PIGN: variants seen among roughly 807,000 people sequenced by gnomAD.
PIGN encodes the protein GPI ethanolamine phosphate transferase 1.
PIGN carries 117 observed loss-of-function variants against 125.4 expected under a neutral mutation model. That is an observed-to-expected ratio of 0.93 (90% CI 0.80 to 1.09). The LOEUF is 1.09. Among genes scored for constraint, PIGN ranks in the 50% least tolerant of loss-of-function variants. PIGN has a pLI of 0.00. For missense variants in PIGN, 1,075 were observed against 1,094.9 expected, an observed-to-expected ratio of 0.98 and a Z score of 0.26; for synonymous variants, 392 against 377.8, an observed-to-expected ratio of 1.04 and a Z score of -0.44.
At chr18:62,084,255 T>C (rs961048649) in intron 27 of PIGN, among the ~76,000 whole-genome samples, 2 of 152,220 alleles carry the variant, frequency 1.3e-5, no homozygotes, top group African/African-American at 4.8e-5. Context: ...AGCACTGCAG[T>C]TTGATCCATA....
At position 62,043,229 on chromosome 18, in the gene PIGN, G is replaced by C. The variant is rs1599380958; in HGVS notation, c.*2627C>G. On this transcript the variant is annotated 3_prime_UTR_variant, in exon 31 of 31. Coordinates refer to ENST00000640252, the MANE Select transcript of PIGN (RefSeq NM_176787.5). ...ATGATGGCATCTAGTGTGAATATGG[G>C]AGCTCACCAGGTTCTCCCAAGGACA... is the stretch of plus-strand genomic sequence containing the variant. 6.6e-6 allele frequency: 1 copy of C among 152,152 alleles called. No individual in the cohort carries two copies. Among genetic ancestry groups the C allele is most frequent in the African/African-American group, 2.4e-5 (1 of 41,428 alleles). 9.4% of individuals were successfully genotyped at this position (152,152 alleles called of 1,614,324 possible). A position where few individuals can be genotyped will look rare whatever the true frequency, so the allele number is the denominator to read the frequency against.
chr18:62,148,737 C>A (rs1277148753), intron 7 of PIGN, among the ~76,000 whole-genome samples: 1 of 152,030 alleles, frequency 6.6e-6, no homozygotes, highest in African/African-American at 2.4e-5. Flanking sequence ...CAGAACTGGA[C>A]CACTTTTCAT....
chr18:62,042,652 T>TCCC lies in PIGN; in HGVS notation c.*3203_*3204insGGG, dbSNP rs2030421292. ...GATAATTTTGATTATTAATGTTTCC[T>TCCC]TCTCATTTTTTTTTTAAATAACAAA... On this transcript the variant is annotated 3_prime_UTR_variant, in exon 31 of 31. Transcript: ENST00000640252. 7.5e-6 allele frequency: 1 copy of TCCC among 134,028 alleles called. No homozygotes were observed. Among genetic ancestry groups the TCCC allele is most frequent in the African/African-American group, 2.7e-5 (1 of 37,556 alleles). 8.3% of individuals were successfully genotyped at this position (134,028 alleles called of 1,614,324 possible). A position where few individuals can be genotyped will look rare whatever the true frequency, so the allele number is the denominator to read the frequency against.
At position 62,059,999 on chromosome 18, in the gene PIGN, G is replaced by C. The variant is rs77458127; in HGVS notation, c.2672+12674C>G. Among the ~76,000 whole-genome samples the C allele has an allele frequency of 9.7e-3, 1,481 of 152,258 alleles. 48 individuals carry two copies. The highest frequency in any genetic ancestry group is 0.069 in the East Asian group (357 of 5,178). On this transcript the variant is annotated intron_variant, in intron 30 of 30. Coordinates refer to ENST00000640252, the MANE Select transcript of PIGN (RefSeq NM_176787.5). The stretch of plus-strand genomic sequence containing the variant: ...GACCCATCCTCAAATTTAATCTAAA[G>C]TCTGTCTATAAAAGGCATTCCACAG...
intron 30 of PIGN, among the ~76,000 whole-genome samples, chr18:62,067,484 C>A (rs960022057): frequency 6.6e-6 from 1 of 152,188 alleles, no homozygotes; most frequent in Admixed American, 6.5e-5. Context: ...TGTGGTCAAT[C>A]ATACCCCAAC....
At chr18:62,140,277 T>C in intron 12 of PIGN, 143 bp downstream of exon 12, 1 of 433,268 alleles carries the variant, frequency 2.3e-6, no homozygotes, top group Non-Finnish European at 4.2e-6. Context: ...AGCCCAGAAG[T>C]TCAAGACCAG....
At chr18:62,144,647 A>G (rs1467964963) in intron 10 of PIGN, among the ~76,000 whole-genome samples, 1 of 152,150 alleles carries the variant, frequency 6.6e-6, no homozygotes, top group African/African-American at 2.4e-5. Context: ...CTATTAGCCC[A>G]CTCTATAAAA....
At chr18:62,096,606 G>A (rs1217422646) in intron 22 of PIGN, among the ~76,000 whole-genome samples, 1 of 105,752 alleles carries the variant, frequency 9.5e-6, no homozygotes, top group African/African-American at 4.1e-5. Context: ...ATGTATACAT[G>A]TGCCATGCTG....
chr18:62,134,097 A>C (rs2035838732), intron 14 of PIGN, among the ~76,000 whole-genome samples: 1 of 151,994 alleles, frequency 6.6e-6, no homozygotes, highest in Admixed American at 6.6e-5. Context: ...GGTTACTTTC[A>C]TAATCTAATA....
intron 1 of PIGN, among the ~76,000 whole-genome samples, chr18:62,175,731 T>C (rs1162475553): frequency 6.6e-6 from 1 of 152,224 alleles, no homozygotes; most frequent in Non-Finnish European, 1.5e-5. Flanking sequence ...TGTTCACTCA[T>C]GCTCACCACC....
chr18:62,144,002 T>C (rs1439407969), intron 10 of PIGN, among the ~76,000 whole-genome samples: 3 of 152,168 alleles, frequency 2.0e-5, no homozygotes, highest in Non-Finnish European at 2.9e-5. Context: ...AAGATATTTG[T>C]ATAATAAAAT....
intron 21 of PIGN, among the ~76,000 whole-genome samples, chr18:62,101,537 A>T (rs1666772128): frequency 6.6e-6 from 1 of 152,192 alleles, no homozygotes; most frequent in Admixed American, 6.5e-5. Flanking sequence ...TTAAGTGTAA[A>T]GCCAGTCAGA....
intron 22 of PIGN, among the ~76,000 whole-genome samples, chr18:62,100,754 T>C (rs2034404211): frequency 6.6e-6 from 1 of 152,182 alleles, no homozygotes; most frequent in Non-Finnish European, 1.5e-5. Flanking sequence ...AATTTATGAA[T>C]TGGCATGAAA....
intron 22 of PIGN, among the ~76,000 whole-genome samples, 156 bp from the exon 23 acceptor site, chr18:62,096,106 C>A (rs574187287): frequency 1.4e-4 from 21 of 152,166 alleles, no homozygotes; most frequent in Admixed American, 3.9e-4. Flanking sequence ...ACCAGCCTTG[C>A]CAACATGATA....
At chr18:62,133,867 T>A (rs758594310) in intron 14 of PIGN, among the ~76,000 whole-genome samples, 1 of 152,210 alleles carries the variant, frequency 6.6e-6, no homozygotes, top group Non-Finnish European at 1.5e-5. Flanking sequence ...GCATAATAAC[T>A]CTTTTTCATT....
intron 1 of PIGN, among the ~76,000 whole-genome samples, chr18:62,168,511 C>CACATAA (rs1396584305): frequency 5.3e-5 from 8 of 152,030 alleles, no homozygotes; most frequent in Non-Finnish European, 1.2e-4. Flanking sequence ...TGTTTCTGAA[C>CACATAA]CATTTGAGGA....
Position 62,107,019 on chromosome 18 carries a change from G to C in PIGN, c.1641C>G (p.Tyr547Ter). Residue 547 changes from tyrosine to a stop codon, truncating the protein, a stop_gained, in exon 18 of 31, where the codon TAC (tyrosine) becomes TAG (stop). Coordinates refer to ENST00000640252, the MANE Select transcript of PIGN (RefSeq NM_176787.5). LOFTEE classifies it high-confidence loss of function. Reference sequence around the variant, plus strand: ...CAATTCCCAGGGTAAAGGCTAACAGGTACCCAACAAAATGGCTCAGAGGAT... The same window carrying C: ...CAATTCCCAGGGTAAAGGCTAACAGCTACCCAACAAAATGGCTCAGAGGAT... Reference protein sequence around the residue: ...LTYPLSHFVGYLLAFTLGIEV... With the variant: ...LTYPLSHFVG 6.3e-7 allele frequency: 1 copy of C among 1,590,706 alleles called. No individual in the cohort carries two copies. Among genetic ancestry groups the C allele is most frequent in the Non-Finnish European group, 8.6e-7 (1 of 1,167,962 alleles).
rs575058531 is a variant in PIGN, at chr18:62,096,009, G to T, written c.2078-59C>A. 2.1e-5 allele frequency: 23 copies of T among 1,104,644 alleles called. No individual in the cohort carries two copies. In the East Asian group the frequency reaches 4.4e-4, roughly 21 times the overall value. 68.4% of individuals were successfully genotyped at this position (1,104,644 alleles called of 1,614,324 possible). A position where few individuals can be genotyped will look rare whatever the true frequency, so the allele number is the denominator to read the frequency against. On this transcript the variant is annotated intron_variant, in intron 22 of 30. Transcript: ENST00000640252. Reference sequence around the variant, plus strand: ...TAAGAGACACAAAAAAAATGTTAGCGTAGGGCCGGGCGTGGTGGCTCACAC... The same window carrying T: ...TAAGAGACACAAAAAAAATGTTAGCTTAGGGCCGGGCGTGGTGGCTCACAC...
At chr18:62,116,085 G>A (rs2035076859) in intron 14 of PIGN, among the ~76,000 whole-genome samples, 1 of 152,136 alleles carries the variant, frequency 6.6e-6, no homozygotes, top group African/African-American at 2.4e-5. Context: ...GGATTTGGAG[G>A]GAAAAGGTGC....
Sources: gnomAD v4.1 joint callset for allele counts (sites outside exome capture counted in the v4.1 genomes callset) on GRCh38, gnomAD v4.1.1 for gene constraint, MANE v1.5 for transcripts, NCBI Gene and HGNC (gene_info 2026-07-23, HGNC 2026-07-21) for gene names.